Variants in GALNT17 observed in about 807,000 individuals in gnomAD.
The protein encoded by GALNT17 is polypeptide N-acetylgalactosaminyltransferase 17.
Under a neutral mutation model 63.7 loss-of-function variants are expected in GALNT17, and 29 were observed. The ratio of observed to expected loss-of-function variants is 0.46; its 90% CI spans 0.34 to 0.62. The LOEUF is 0.62. Ranked by LOEUF, GALNT17 falls within the 20% of genes least tolerant of loss-of-function variation. The pLI is 0.01. For missense variants in GALNT17, 603 were observed against 799.6 expected, an observed-to-expected ratio of 0.75 and a Z score of 2.97; for synonymous variants, 305 against 318.3, an observed-to-expected ratio of 0.96 and a Z score of 0.45.
chr7:71,164,572 G>A (rs1788403478), intron 1 of GALNT17, among the ~76,000 whole-genome samples: 1 of 152,182 alleles, frequency 6.6e-6, no homozygotes, highest in Admixed American at 6.5e-5. Context: ...GCAGAGAAGG[G>A]AAATAGTGAG....
chr7:71,525,601 C>T (rs776128952), intron 5 of GALNT17, among the ~76,000 whole-genome samples: 16 of 151,604 alleles, frequency 1.1e-4, no homozygotes, highest in Non-Finnish European at 2.2e-4. Flanking sequence ...TCTTGTCTGC[C>T]ACCATGTAAG....
chr7:71,571,993 C>A (rs1789451615), intron 6 of GALNT17, among the ~76,000 whole-genome samples: 1 of 151,668 alleles, frequency 6.6e-6, no homozygotes, highest in East Asian at 2.0e-4. Flanking sequence ...GCCTGGGCAA[C>A]AGAGCAAGAG....
chr7:71,686,745 T>C (rs1187122655), intron 9 of GALNT17, among the ~76,000 whole-genome samples: 5 of 151,968 alleles, frequency 3.3e-5, no homozygotes, highest in Admixed American at 6.6e-5. Flanking sequence ...GTTGAGAGAG[T>C]GTTCATAGAA....
intron 1 of GALNT17, among the ~76,000 whole-genome samples, chr7:71,274,454 A>T (rs1268109050): frequency 6.6e-6 from 1 of 151,872 alleles, no homozygotes. Context: ...CAATTTTAAA[A>T]TTTTTTGTAG....
At chr7:71,582,907 C>T (rs116883750) in intron 6 of GALNT17, among the ~76,000 whole-genome samples, 9,593 of 152,046 alleles carry the variant, frequency 0.063, 375 homozygotes, top group South Asian at 0.12. Flanking sequence ...TCTCACAAAT[C>T]GCCACTAAAG....
intron 9 of GALNT17, among the ~76,000 whole-genome samples, chr7:71,692,039 G>A (rs1791455782): frequency 6.6e-6 from 1 of 151,980 alleles, no homozygotes; most frequent in Admixed American, 6.6e-5. Context: ...TGCCTCCCAA[G>A]TAGCTGGACC....
At chr7:71,654,744 A>G (rs1410123981) in intron 6 of GALNT17, among the ~76,000 whole-genome samples, 1 of 152,236 alleles carries the variant, frequency 6.6e-6, no homozygotes, top group Non-Finnish European at 1.5e-5. Flanking sequence ...TTCTGAAAAT[A>G]GATCACAGGC....
In GALNT17 at chr7:71,209,210, A is replaced by C. The variant is rs193284433; in HGVS notation, c.238+76170A>C. Reference sequence around the variant, plus strand: ...CTTTACAAATGCAAAACCATTCTTCACTTGAGGGCCTTTCAAAAACAAGGC... The same window carrying C: ...CTTTACAAATGCAAAACCATTCTTCCCTTGAGGGCCTTTCAAAAACAAGGC... On this transcript the variant is annotated intron_variant, in intron 1 of 10. Coordinates refer to ENST00000333538, the MANE Select transcript of GALNT17 (RefSeq NM_022479.3). 2.0e-5 allele frequency among the ~76,000 whole-genome samples: 3 copies of C among 152,312 alleles called. No homozygotes were observed. In the East Asian group the frequency reaches 5.8e-4, roughly 29 times the overall value.
At position 71,295,495 on chromosome 7, in the gene GALNT17, T is replaced by C. The variant is rs138703005; in HGVS notation, c.239-40055T>C. Among the ~76,000 whole-genome samples, 197 of 152,164 alleles carry C rather than the reference T, an allele frequency of 1.3e-3. 1 individual carries two copies. Among genetic ancestry groups the C allele is most frequent in the African/African-American group, 4.6e-3 (192 of 41,530 alleles). ...CTTTGTTTCTTCCATCCTTTCTCTC[T>C]TTCTTTTTTCCTTTCTTCCTTTCTC... On this transcript the variant is annotated intron_variant, in intron 1 of 10. Coordinates refer to ENST00000333538, the MANE Select transcript of GALNT17 (RefSeq NM_022479.3).
chr7:71,593,880 A>G (rs987684845), intron 6 of GALNT17, among the ~76,000 whole-genome samples: 1 of 152,232 alleles, frequency 6.6e-6, no homozygotes, highest in Non-Finnish European at 1.5e-5. Flanking sequence ...GCTTGCTTTT[A>G]GACTTTTCTT....
At chr7:71,651,340 G>A (rs970687739) in intron 6 of GALNT17, among the ~76,000 whole-genome samples, 5 of 143,950 alleles carry the variant, frequency 3.5e-5, no homozygotes, top group African/African-American at 1.0e-4. Flanking sequence ...GTCTTCCTCT[G>A]TCGCCAGGCT....
chr7:71,245,336 A>C (rs1419661139), intron 1 of GALNT17, among the ~76,000 whole-genome samples: 2 of 152,084 alleles, frequency 1.3e-5, no homozygotes, highest in African/African-American at 4.8e-5. Context: ...AACCATCCTA[A>C]TTTTGTGAGG....
intron 1 of GALNT17, among the ~76,000 whole-genome samples, chr7:71,213,774 T>C (rs1789425192): frequency 6.6e-6 from 1 of 152,246 alleles, no homozygotes; most frequent in Non-Finnish European, 1.5e-5. Context: ...AATCATTCTT[T>C]TGACATCTCT....
intron 1 of GALNT17, among the ~76,000 whole-genome samples, chr7:71,330,173 C>T (rs899976648): frequency 7.2e-5 from 11 of 151,794 alleles, no homozygotes; most frequent in African/African-American, 2.7e-4. Context: ...CCACCACACC[C>T]GGTTAATTTT....
rs550540752 is a variant in GALNT17 at position 71,351,730 on chromosome 7, T to G, written c.422+15997T>G. 6.2e-4 allele frequency among the ~76,000 whole-genome samples: 94 copies of G among 152,282 alleles called. 1 individual carries two copies. Among genetic ancestry groups the G allele is most frequent in the African/African-American group, 2.1e-3 (88 of 41,574 alleles). ...TGCTGACCCCTTCATTTGGGACTTC[T>G]GGCCTCTAGAACCATGAGAGAATAA... On this transcript the variant is annotated intron_variant, in intron 2 of 10. Coordinates refer to ENST00000333538, the MANE Select transcript of GALNT17 (RefSeq NM_022479.3).
At chr7:71,706,222 C>T (rs960729144) in intron 9 of GALNT17, among the ~76,000 whole-genome samples, 2 of 152,190 alleles carry the variant, frequency 1.3e-5, no homozygotes, top group Non-Finnish European at 2.9e-5. Context: ...AACACCTTCC[C>T]CTGGAAAGGA....
chr7:71,409,230 A>G (rs187300697), intron 3 of GALNT17, among the ~76,000 whole-genome samples: 19 of 152,198 alleles, frequency 1.2e-4, no homozygotes, highest in African/African-American at 4.3e-4. Context: ...CTGGAATGTC[A>G]GCTCAGTTGG....
intron 6 of GALNT17, among the ~76,000 whole-genome samples, chr7:71,615,426 A>G (rs1052318220): frequency 1.4e-5 from 2 of 143,124 alleles, no homozygotes; most frequent in African/African-American, 5.3e-5. Context: ...AAATTAAAGC[A>G]CCTTGGTGCC....
rs199904724 is a variant in GALNT17, at chr7:71,318,074, T to C, written c.239-17476T>C. On this transcript the variant is annotated intron_variant, in intron 1 of 10. Coordinates refer to ENST00000333538, the MANE Select transcript of GALNT17 (RefSeq NM_022479.3). ...ATAGCTGGGACCACGCCCGACTAGT[T>C]TTTTGTATTCTTTGTTGAGATGGTG... 3.8e-4 allele frequency among the ~76,000 whole-genome samples: 57 copies of C among 151,534 alleles called. 1 individual carries two copies. In the East Asian group the frequency reaches 0.011, roughly 30 times the overall value.
Sources: gnomAD v4.1 joint callset for allele counts (sites outside exome capture counted in the v4.1 genomes callset) on GRCh38, gnomAD v4.1.1 for gene constraint, MANE v1.5 for transcripts, NCBI Gene and HGNC (gene_info 2026-07-23, HGNC 2026-07-21) for gene names.